The following CSGALNACT1 variants were observed in gnomAD, a reference collection of about 807,000 sequenced individuals.
The protein encoded by CSGALNACT1 is chondroitin sulfate N-acetylgalactosaminyltransferase 1, also known as beta4GalNAcT-1.
A neutral mutation model predicts 51.0 loss-of-function variants in CSGALNACT1; 52 were observed. The observed-to-expected ratio is 1.02, with a 90% confidence interval of 0.82 to 1.29. The LOEUF is 1.29. Ranked by LOEUF, CSGALNACT1 falls within the 50% of genes most tolerant of loss-of-function variation. The pLI is 0.00. For synonymous variants in CSGALNACT1, 341 were observed against 254.4 expected (o/e 1.34, Z -3.24); for missense variants, 935 against 679.2 (o/e 1.38, Z -4.19).
intron 4 of CSGALNACT1, among the ~76,000 whole-genome samples, chr8:19,473,805 T>C (rs2068763039): frequency 6.6e-6 from 1 of 152,190 alleles, no homozygotes; most frequent in African/African-American, 2.4e-5. Context: ...AAAATATATA[T>C]GTATTTCTGT....
At chr8:19,412,872 C>A (rs1045777530) in intron 8 of CSGALNACT1, among the ~76,000 whole-genome samples, 3 of 151,938 alleles carry the variant, frequency 2.0e-5, no homozygotes, top group Non-Finnish European at 4.4e-5. Context: ...GCCCTGAGGG[C>A]TCAGTGATCA....
intron 4 of CSGALNACT1, among the ~76,000 whole-genome samples, chr8:19,462,462 G>T (rs2065765810): frequency 6.6e-6 from 1 of 152,134 alleles, no homozygotes; most frequent in Non-Finnish European, 1.5e-5. Context: ...CCTGTCTCAA[G>T]AGATGGACAT....
intron 1 of CSGALNACT1, among the ~76,000 whole-genome samples, chr8:19,648,153 C>T (rs1266839623): frequency 6.6e-6 from 1 of 152,194 alleles, no homozygotes; most frequent in Non-Finnish European, 1.5e-5. Context: ...GCTCACTAGA[C>T]CACTTACTTG....
At chr8:19,505,761 G>A (rs201280482) in exon 4 of CSGALNACT1, 3 of 1,614,106 alleles carry the variant, frequency 1.9e-6, no homozygotes, top group African/African-American at 2.7e-5. Flanking sequence ...GACAGAGATA[G>A]CACAGCAGAG....
intron 4 of CSGALNACT1, among the ~76,000 whole-genome samples, chr8:19,497,461 G>A (rs184648072): frequency 1.1e-3 from 168 of 152,006 alleles, no homozygotes; most frequent in African/African-American, 3.9e-3. Context: ...TACCTCCCCC[G>A]ACCACATCAA....
intron 1 of CSGALNACT1, among the ~76,000 whole-genome samples, chr8:19,640,182 C>T (rs1319194081): frequency 5.3e-5 from 8 of 152,182 alleles, no homozygotes; most frequent in Admixed American, 5.2e-4. Flanking sequence ...TTATTAACAT[C>T]TCCCATCTCA....
chr8:19,685,544 T>C (rs1382825462), upstream of CSGALNACT1, among the ~76,000 whole-genome samples: 2 of 152,210 alleles, frequency 1.3e-5, no homozygotes, highest in African/African-American at 4.8e-5. Context: ...AGGATGCTCC[T>C]AATTAGCATT....
At chr8:19,686,671 G>C (rs1283849131), upstream of CSGALNACT1, among the ~76,000 whole-genome samples, 1 of 152,194 alleles carries the variant, frequency 6.6e-6, no homozygotes, top group African/African-American at 2.4e-5. Flanking sequence ...GCAAACTGGA[G>C]CTTTTCACCA....
intron 3 of CSGALNACT1, among the ~76,000 whole-genome samples, chr8:19,516,377 T>C (rs2079530477): frequency 6.6e-6 from 1 of 152,090 alleles, no homozygotes; most frequent in African/African-American, 2.4e-5. Context: ...TCAACCCGCT[T>C]CATAATCTCA....
chr8:19,701,642 T>C (rs2061885813), intron 1 of CSGALNACT1, among the ~76,000 whole-genome samples: 1 of 152,186 alleles, frequency 6.6e-6, no homozygotes, highest in Non-Finnish European at 1.5e-5. Context: ...AATTAAGTTA[T>C]GAATAAATGT....
intron 1 of CSGALNACT1, among the ~76,000 whole-genome samples, chr8:19,665,339 T>C (rs2059100848): frequency 6.6e-6 from 1 of 152,204 alleles, no homozygotes; most frequent in Non-Finnish European, 1.5e-5. Flanking sequence ...CCAAGTTACA[T>C]TAAATGCCAC....
chr8:19,512,132 A>T (rs1403522098), intron 3 of CSGALNACT1, among the ~76,000 whole-genome samples: 1 of 152,198 alleles, frequency 6.6e-6, no homozygotes, highest in African/African-American at 2.4e-5. Context: ...ATTAAGTTGT[A>T]AAAGGGGGCA....
At chr8:19,485,739 C>T (rs2072722009) in intron 4 of CSGALNACT1, among the ~76,000 whole-genome samples, 1 of 136,816 alleles carries the variant, frequency 7.3e-6, no homozygotes, top group Non-Finnish European at 1.6e-5. Context: ...TAACTAAAGT[C>T]TCACTGCCAC....
intron 3 of CSGALNACT1, among the ~76,000 whole-genome samples, chr8:19,542,273 A>G (rs2085386825): frequency 6.6e-6 from 1 of 151,770 alleles, no homozygotes; most frequent in African/African-American, 2.4e-5. Flanking sequence ...AGTTAAGCTC[A>G]AAGGAAAGCC....
At chr8:19,595,685 G>A (rs1374516352) in intron 2 of CSGALNACT1, among the ~76,000 whole-genome samples, 4 of 151,844 alleles carry the variant, frequency 2.6e-5, no homozygotes, top group African/African-American at 9.7e-5. Flanking sequence ...GGAGGCCAAG[G>A]CAGGACCCTG....
chr8:19,478,183 G>A (rs2070292921), intron 4 of CSGALNACT1, among the ~76,000 whole-genome samples: 1 of 152,128 alleles, frequency 6.6e-6, no homozygotes, highest in African/African-American at 2.4e-5. Flanking sequence ...GGGAGGCCAA[G>A]GCGGGTGGAT....
chr8:19,471,981 T>C (rs1031812310), intron 4 of CSGALNACT1, among the ~76,000 whole-genome samples: 3 of 152,190 alleles, frequency 2.0e-5, no homozygotes, highest in Admixed American at 2.0e-4. Context: ...TCACTTCCTA[T>C]TGTTGAAGAA....
chr8:19,598,908 T>A (rs1055110954), intron 2 of CSGALNACT1, among the ~76,000 whole-genome samples: 1 of 152,190 alleles, frequency 6.6e-6, no homozygotes, highest in African/African-American at 2.4e-5. Context: ...ATTCTTTTGT[T>A]TGGTGCCTTA....
At chr8:19,700,438 C>T (rs1266126852) in intron 1 of CSGALNACT1, among the ~76,000 whole-genome samples, 3 of 152,132 alleles carry the variant, frequency 2.0e-5, no homozygotes, top group African/African-American at 7.2e-5. Context: ...TTTTATGCCT[C>T]TCATAATGGT....
Sources: gnomAD v4.1 joint callset for allele counts (sites outside exome capture counted in the v4.1 genomes callset) on GRCh38, gnomAD v4.1.1 for gene constraint, MANE v1.5 for transcripts, NCBI Gene and HGNC (gene_info 2026-07-23, HGNC 2026-07-21) for gene names.